The following CHM variants were observed in gnomAD, a reference collection of about 807,000 sequenced individuals.
The protein encoded by CHM is rab proteins geranylgeranyltransferase component A 1.
Under a neutral mutation model 49.0 loss-of-function variants are expected in CHM, and 10 were observed. That is an observed-to-expected ratio of 0.20 (90% CI 0.13 to 0.35). CHM has a LOEUF of 0.35. Among genes scored for constraint, CHM ranks in the 10% least tolerant of loss-of-function variants. The pLI is 1.00. For synonymous variants in CHM, 184 were observed against 167.5 expected (o/e 1.10, Z -0.76); for missense variants, 455 against 478.4 (o/e 0.95, Z 0.46).
intron 5 of CHM, 39 bp from the exon 6 acceptor site, chrX:85,959,016 T>C: frequency 8.3e-7 from 1 of 1,199,350 alleles, no homozygotes. Flanking sequence ...AAAGTTGAAA[T>C]AGTAGAAAAA....
chrX:85,981,216 A>T, intron 3 of CHM, among the ~76,000 whole-genome samples: 1 of 75,732 alleles, frequency 1.3e-5, no homozygotes, highest in East Asian at 3.8e-4. Flanking sequence ...CTATATATAT[A>T]TATAGACACA....
chrX:85,944,411 C>T (rs955509524), intron 8 of CHM, among the ~76,000 whole-genome samples: 3 of 111,733 alleles, frequency 2.7e-5, no homozygotes, highest in Admixed American at 1.9e-4. Context: ...TATATAAATG[C>T]ACAAATTCCA....
At chrX:85,964,083 C>G in intron 4 of CHM, 31 bp from the exon 5 acceptor site, 5 of 1,166,072 alleles carry the variant, frequency 4.3e-6, no homozygotes, top group Non-Finnish European at 5.8e-6. Context: ...AAACACCAGG[C>G]TTTATATATA....
intron 11 of CHM, 123 bp from the exon 12 acceptor site, chrX:85,894,407 T>C (rs1925686599): frequency 4.0e-6 from 2 of 501,588 alleles, no homozygotes; most frequent in African/African-American, 2.3e-5. Flanking sequence ...GAAAAAAATA[T>C]GGCTTGTAAG....
intron 1 of CHM, among the ~76,000 whole-genome samples, chrX:86,030,569 A>G (rs1268265418): frequency 9.0e-6 from 1 of 111,702 alleles, no homozygotes; most frequent in African/African-American, 3.3e-5. Flanking sequence ...TTTTTGCAAG[A>G]TAATCCCTAG....
intron 8 of CHM, among the ~76,000 whole-genome samples, chrX:85,945,678 A>T (rs1312240703): frequency 9.1e-6 from 1 of 109,619 alleles, no homozygotes; most frequent in African/African-American, 3.3e-5. Flanking sequence ...TAATACAGAA[A>T]ACTTGTACAG....
intron 9 of CHM, among the ~76,000 whole-genome samples, chrX:85,904,976 T>G (rs1926504620): frequency 8.9e-6 from 1 of 112,091 alleles, no homozygotes; most frequent in South Asian, 3.7e-4. Flanking sequence ...GTGTAATGAT[T>G]ACCACAAATG....
intron 1 of CHM, among the ~76,000 whole-genome samples, chrX:86,037,212 G>A (rs1281194792): frequency 3.8e-5 from 4 of 104,783 alleles, no homozygotes; most frequent in Admixed American, 1.0e-4. Flanking sequence ...CGCCTCCCGG[G>A]TTCAAGCGAT....
chrX:85,938,721 C>A (rs1025228607), intron 8 of CHM, among the ~76,000 whole-genome samples: 43 of 110,456 alleles, frequency 3.9e-4, no homozygotes, highest in African/African-American at 1.4e-3. Context: ...ACCCAAGTAA[C>A]TGATTACAAA....
At position 85,963,967 on chromosome X, in the gene CHM, C is replaced by A; in HGVS notation, c.400G>T (p.Ala134Ser). The change falls in exon 5 of 15, where the codon GCA becomes TCA. Residue 134 changes from alanine to serine, a missense_variant. Coordinates refer to ENST00000357749, the MANE Select transcript of CHM (RefSeq NM_000390.4). ...TCCGTAGGCAGGAAGGCAGAATCTG[C>A]AGCTTCTGTGGAGTTTGCAGATGTC... The part of the protein sequence containing the change: ...LVTSANSTEA[A>S]DSAFLPTEDE... The A allele has an allele frequency of 8.3e-7, 1 of 1,210,487 alleles. No homozygotes were observed. Among genetic ancestry groups the A allele is most frequent in the South Asian group, 1.8e-5 (1 of 56,753 alleles).
chrX:86,015,290 C>T (rs1197606262), intron 2 of CHM, among the ~76,000 whole-genome samples: 1 of 111,473 alleles, frequency 9.0e-6, no homozygotes, highest in African/African-American at 3.3e-5. Context: ...GTATCTTCCT[C>T]ATTTTCTCTT....
chrX:86,012,490 T>C (rs761162563), intron 2 of CHM, among the ~76,000 whole-genome samples: 1 of 111,487 alleles, frequency 9.0e-6, no homozygotes, highest in African/African-American at 3.3e-5. Context: ...CTTTTATAAG[T>C]AACTAAAATT....
chrX:85,874,154 G>A (rs944031024), intron 13 of CHM, among the ~76,000 whole-genome samples: 2 of 111,485 alleles, frequency 1.8e-5, no homozygotes, highest in Non-Finnish European at 1.9e-5. Context: ...ATCAAAGTAC[G>A]ATGTGCTTAT....
chrX:85,998,569 T>C (rs1932556064), intron 2 of CHM, among the ~76,000 whole-genome samples: 2 of 111,860 alleles, frequency 1.8e-5, no homozygotes, highest in African/African-American at 6.5e-5. Flanking sequence ...ACCTTAAACA[T>C]GTAAGCATAC....
intron 1 of CHM, among the ~76,000 whole-genome samples, chrX:86,038,277 T>A (rs1210320969): frequency 9.0e-6 from 1 of 111,638 alleles, no homozygotes; most frequent in East Asian, 2.8e-4. Flanking sequence ...ATGAGACAAA[T>A]GCGTATCTGA....
intron 1 of CHM, among the ~76,000 whole-genome samples, chrX:86,045,557 G>A (rs138727228): frequency 1.2e-3 from 131 of 111,298 alleles, no homozygotes; most frequent in African/African-American, 4.2e-3. Context: ...GCACTCACTG[G>A]GATAAGTATA....
At chrX:86,035,786 C>CTTTTTTT (rs1569261506) in intron 1 of CHM, among the ~76,000 whole-genome samples, 1 of 99,224 alleles carries the variant, frequency 1.0e-5, no homozygotes, top group African/African-American at 3.7e-5. Context: ...GAAAAGAGTT[C>CTTTTTTT]ATTTTTTTTT....
intron 12 of CHM, among the ~76,000 whole-genome samples, chrX:85,880,521 T>A (rs968220179): frequency 9.0e-6 from 1 of 111,557 alleles, no homozygotes; most frequent in Non-Finnish European, 1.9e-5. Context: ...TTTGTTAATG[T>A]TTATTTGGGA....
intron 6 of CHM, among the ~76,000 whole-genome samples, 156 bp downstream of exon 6, chrX:85,958,705 G>A (rs1434844699): frequency 9.0e-6 from 1 of 111,669 alleles, no homozygotes; most frequent in Non-Finnish European, 1.9e-5. Flanking sequence ...ATTAGCACTA[G>A]AAATTTTAAT....
Sources: gnomAD v4.1 joint callset for allele counts (sites outside exome capture counted in the v4.1 genomes callset) on GRCh38, gnomAD v4.1.1 for gene constraint, MANE v1.5 for transcripts, NCBI Gene and HGNC (gene_info 2026-07-23, HGNC 2026-07-21) for gene names.